Variants in ZGPAT observed in about 807,000 individuals in gnomAD.
ZGPAT encodes zinc finger CCCH-type and G-patch domain containing, also known as zinc finger CCCH-type with G patch domain-containing protein.
Under a neutral mutation model 47.9 loss-of-function variants are expected in ZGPAT, and 39 were observed. The observed-to-expected ratio is 0.81, with a 90% CI of 0.63 to 1.06. The LOEUF (loss-of-function observed/expected upper bound fraction) is 1.06. Among genes scored for constraint, ZGPAT ranks in the 50% least tolerant of loss-of-function variants. The pLI is 0.00. For missense variants in ZGPAT, 717 were observed against 681.4 expected, an observed-to-expected ratio of 1.05 and a Z score of -0.58; for synonymous variants, 348 against 292.9, an observed-to-expected ratio of 1.19 and a Z score of -1.92.
intron 2 of ZGPAT, among the ~76,000 whole-genome samples, chr20:63,728,938 AGTT>A (rs2091870037): frequency 6.6e-6 from 1 of 152,196 alleles, no homozygotes; most frequent in Admixed American, 6.5e-5. Context: ...CTTCTCAGTG[AGTT>A]CTCAGCTTTG....
At chr20:63,719,883 G>A (rs568180196) in intron 2 of ZGPAT, among the ~76,000 whole-genome samples, 1 of 151,660 alleles carries the variant, frequency 6.6e-6, no homozygotes, top group African/African-American at 2.4e-5. Flanking sequence ...TGGGATTATA[G>A]GCATGTGCCA....
chr20:63,718,786 G>T (rs1171359026), intron 2 of ZGPAT, among the ~76,000 whole-genome samples: 6 of 151,928 alleles, frequency 3.9e-5, no homozygotes, highest in Admixed American at 6.6e-5. Flanking sequence ...TGCCATCTTG[G>T]CTGGGCACGG....
chr20:63,724,015 G>C (rs2091817477), intron 2 of ZGPAT, among the ~76,000 whole-genome samples: 1 of 152,120 alleles, frequency 6.6e-6, no homozygotes, highest in African/African-American at 2.4e-5. Context: ...GGGAAGTCAA[G>C]GCTGCAGTGA....
In ZGPAT at chr20:63,733,708, C is replaced by T. The variant is rs200051499; in HGVS notation, c.840C>T (p.Ser280=). The change falls in exon 4 of 7, where the codon AGC becomes AGT. Residue 280 remains serine (S), a synonymous_variant. Coordinates refer to ENST00000355969, the MANE Select transcript of ZGPAT (RefSeq NM_181485.3). ...AGGCCACAGAGTCCGACTCAGACAG[C>T]GACGGTACGGGTGACTCCAGCTATG... The part of the protein sequence containing the change: ...RTEATESDSD[S]DGTGDSSYAR... 159 of 1,613,628 alleles carry T rather than the reference C, an allele frequency of 9.9e-5. 2 individuals carry two copies. Among genetic ancestry groups the T allele is most frequent in the South Asian group, 1.9e-4 (17 of 91,056 alleles).
rs760857342 is a variant in ZGPAT at position 63,735,527 on chromosome 20, A to T, written c.1360A>T (p.Arg454Trp). Residue 454 changes from arginine (R) to tryptophan (W), a missense_variant, in exon 6 of 7, where the codon AGG (arginine) becomes TGG (tryptophan). Physicochemically the swap from Arg to Trp is moderately radical, Grantham distance 101. Coordinates refer to ENST00000355969, the MANE Select transcript of ZGPAT (RefSeq NM_181485.3). ...EKIERTQRDI[R>W]SIQEALARNA... ...GATCGAGCGAACCCAGCGGGACATCAGGAGCATCCAGGAGGCTCTCGCCCG... is the reference window on the plus strand; with the variant it reads ...GATCGAGCGAACCCAGCGGGACATCTGGAGCATCCAGGAGGCTCTCGCCCG... The T allele has an allele frequency of 6.6e-7, 1 of 1,519,498 alleles. No homozygotes were observed. The highest frequency in any genetic ancestry group is 1.3e-5 in the South Asian group (1 of 75,536). 94.1% of individuals were successfully genotyped at this position (1,519,498 alleles called of 1,614,324 possible).
At position 63,734,522 on chromosome 20, in the gene ZGPAT, C is replaced by T. The variant is rs1280870588; in HGVS notation, c.872-183C>T. 49 of 1,202,176 alleles carry T rather than the reference C, an allele frequency of 4.1e-5. No individual in the cohort carries two copies. The East Asian group carries it at 4.1e-4, about 10-fold the overall frequency. The allele number at this position is 1,202,176 out of a possible 1,614,324, so 74.5% of individuals were successfully genotyped here. ...CACAGCAGCCTCGGTGACGAGAGCACGGAGCCCAAGAGGTGGGGTGTCGTG... is the reference window on the plus strand; with the variant it reads ...CACAGCAGCCTCGGTGACGAGAGCATGGAGCCCAAGAGGTGGGGTGTCGTG... On this transcript the variant is annotated intron_variant, in intron 4 of 6. Coordinates refer to ENST00000355969, the MANE Select transcript of ZGPAT (RefSeq NM_181485.3).
chr20:63,714,478 T>C (rs142790050), intron 2 of ZGPAT, among the ~76,000 whole-genome samples: 8 of 151,742 alleles, frequency 5.3e-5, no homozygotes, highest in Non-Finnish European at 1.2e-4. Flanking sequence ...ATCTTGTTCC[T>C]GATCTTAGGT....
At chr20:63,709,626 G>A (rs1375589993) in intron 2 of ZGPAT, among the ~76,000 whole-genome samples, 1 of 152,060 alleles carries the variant, frequency 6.6e-6, no homozygotes, top group Non-Finnish European at 1.5e-5. Flanking sequence ...AGCAGTGCAA[G>A]GCTTATGTGG....
At position 63,713,324 on chromosome 20, in the gene ZGPAT, G is replaced by A. The variant is rs1274703556; in HGVS notation, c.584+4160G>A. ...TGGCTCACTGCAAGCTCCACCTCCC[G>A]GGTTCACACCATTCTTCTGCCTCAG... On this transcript the variant is annotated intron_variant, in intron 2 of 6. Transcript: ENST00000355969. Among the ~76,000 whole-genome samples the A allele has an allele frequency of 5.9e-5, 9 of 151,650 alleles. No individual in the cohort carries two copies. The East Asian group carries it at 9.9e-4, about 17-fold the overall frequency.
intron 2 of ZGPAT, among the ~76,000 whole-genome samples, chr20:63,719,482 A>G (rs920816690): frequency 4.6e-5 from 7 of 151,646 alleles, no homozygotes; most frequent in East Asian, 1.9e-4. Flanking sequence ...TCTGCTCCTC[A>G]TTTTGGATAA....
intron 2 of ZGPAT, among the ~76,000 whole-genome samples, chr20:63,715,995 T>C (rs1365722835): frequency 2.6e-5 from 4 of 152,226 alleles, no homozygotes; most frequent in Non-Finnish European, 5.9e-5. Flanking sequence ...GTTTTTTGAC[T>C]ACTGATTCTT....
Position 63,708,793 on chromosome 20 carries a change from G to A in ZGPAT, c.213G>A (p.Pro71=), listed in dbSNP as rs1049811555. Residue 71 remains proline, a synonymous_variant, in exon 2 of 7, where the codon CCG becomes CCA. Transcript: ENST00000355969. The part of the protein sequence containing the change: ...SLLAALDEER[P]GRQEDAEYQA... ...TGGCCGCGCTGGACGAAGAGCGCCCGGGCCGCCAGGAAGATGCTGAGTACC... is the reference window on the plus strand; with the variant it reads ...TGGCCGCGCTGGACGAAGAGCGCCCAGGCCGCCAGGAAGATGCTGAGTACC... 6 of 1,605,854 alleles carry A rather than the reference G, an allele frequency of 3.7e-6. No homozygotes were observed. The highest frequency in any genetic ancestry group is 1.7e-5 in the Admixed American group (1 of 59,758).
intron 2 of ZGPAT, among the ~76,000 whole-genome samples, chr20:63,709,777 C>T (rs2145632450): frequency 6.6e-6 from 1 of 151,738 alleles, no homozygotes; most frequent in Admixed American, 6.6e-5. Flanking sequence ...CTCCTGGGCT[C>T]AACCGATCCT....
At chr20:63,733,092 A>G in intron 2 of ZGPAT, 127 bp from the exon 3 acceptor site, 6 of 1,218,406 alleles carry the variant, frequency 4.9e-6, no homozygotes, top group Non-Finnish European at 5.7e-6. Flanking sequence ...GAGAGTGTGT[A>G]TGTATACGCA....
In ZGPAT at chr20:63,708,937, GGAGGAAGAGGGAGAGGAC is replaced by G. The variant is rs779603741; in HGVS notation, c.367_384del (p.Gly123_Glu128del). ...CAGAATCTGCGGCAGGTGGGCAGGA[GGAGGAAGAGGGAGAGGAC>G]GAGGAAGAGCTGAGTGGGACAAAGG... is the stretch of plus-strand genomic sequence containing the variant. On this transcript the variant is annotated inframe_deletion, in exon 2 of 7. Coordinates refer to ENST00000355969, the MANE Select transcript of ZGPAT (RefSeq NM_181485.3). The G allele has an allele frequency of 1.9e-6, 3 of 1,613,062 alleles. No homozygotes were observed. The South Asian group carries it at 3.3e-5, about 18-fold the overall frequency.
At chr20:63,734,583 CGGGTCACCATGCACAATCCTCT>C in intron 4 of ZGPAT, 100 bp from the exon 5 acceptor site, 1 of 1,520,546 alleles carries the variant, frequency 6.6e-7, no homozygotes, top group Non-Finnish European at 8.8e-7. Flanking sequence ...GGTCAAAGCC[CGGGTCACCATGCACAATCCTCT>C]GGCCTGGCTG....
At chr20:63,730,244 T>C (rs2091884011) in intron 2 of ZGPAT, 1 of 152,224 alleles carries the variant, frequency 6.6e-6, no homozygotes. Flanking sequence ...TCTGCTGCAG[T>C]GCATTTGAGG....
At chr20:63,723,997 T>C (rs1291982254) in intron 2 of ZGPAT, among the ~76,000 whole-genome samples, 2 of 152,178 alleles carry the variant, frequency 1.3e-5, no homozygotes, top group Non-Finnish European at 2.9e-5. Flanking sequence ...GGAGGATCAC[T>C]TGAGCCTGGG....
intron 2 of ZGPAT, among the ~76,000 whole-genome samples, chr20:63,729,159 G>T (rs1315893117): frequency 1.3e-5 from 2 of 151,810 alleles, no homozygotes; most frequent in Non-Finnish European, 2.9e-5. Flanking sequence ...GGCCTCCCGA[G>T]TAGCATAATT....
Sources: allele counts gnomAD v4.1 joint callset (sites outside exome capture counted in the v4.1 genomes callset), GRCh38; gene constraint gnomAD v4.1.1; transcripts MANE v1.5; gene names NCBI Gene and HGNC (gene_info 2026-07-23, HGNC 2026-07-21).